Variants in RAB18 observed in about 807,000 individuals in gnomAD.
RAB18 encodes RAB18, member RAS oncogene family, also known as ras-related protein Rab-18.
RAB18 carries 10 observed loss-of-function variants against 28.5 expected under a neutral mutation model. The ratio of observed to expected loss-of-function variants is 0.35; its 90% CI spans 0.22 to 0.60. The LOEUF (loss-of-function observed/expected upper bound fraction) is 0.60. Ranked by LOEUF, RAB18 falls within the 20% of genes least tolerant of loss-of-function variation. The probability of loss-of-function intolerance (pLI) is 0.78; values close to 1 mark genes in which losing one functional copy is unlikely to be tolerated. For missense variants in RAB18, 188 were observed against 244.2 expected (o/e 0.77, Z 1.53); for synonymous variants, 93 against 86.9 (o/e 1.07, Z -0.39).
intron 3 of RAB18, chr10:27,528,298 A>G (rs771978287): frequency 4.0e-6 from 2 of 497,270 alleles, no homozygotes; most frequent in South Asian, 2.9e-5. Context: ...ATAGGCCTAT[A>G]AACATTTTTT....
Position 27,527,498 on chromosome 10 carries a change from T to C in RAB18, c.186+609T>C, listed in dbSNP as rs565783904. 2.0e-5 allele frequency among the ~76,000 whole-genome samples: 3 copies of C among 152,156 alleles called. No homozygotes were observed. The East Asian group carries it at 5.8e-4, about 29-fold the overall frequency. Reference sequence around the variant, plus strand: ...GATGCTTAGTGTCTATGTTTGTCTCTCTCTGTGTCTCCCTTTCATCAGTCT... The same window carrying C: ...GATGCTTAGTGTCTATGTTTGTCTCCCTCTGTGTCTCCCTTTCATCAGTCT... On this transcript the variant is annotated intron_variant, in intron 3 of 6. Transcript: ENST00000356940.
In RAB18 at chr10:27,541,862, G is replaced by C. The variant is rs992873501; in HGVS notation, c.*3811G>C. 3 of 453,482 alleles carry C rather than the reference G, an allele frequency of 6.6e-6. No homozygotes were observed. The highest frequency in any genetic ancestry group is 1.3e-5 in the Non-Finnish European group (3 of 226,688). 28.1% of individuals were successfully genotyped at this position (453,482 alleles called of 1,614,324 possible). On this transcript the variant is annotated 3_prime_UTR_variant, in exon 7 of 7. Transcript: ENST00000356940. ...CACCCCTGCAAACAATTGGCATGTG[G>C]TTTGGGTGGCATTGTCACACCCTCG...
Position 27,540,851 on chromosome 10 carries a change from G to C in RAB18, c.*2800G>C. 1 of 454,066 alleles carries C rather than the reference G, an allele frequency of 2.2e-6. No individual in the cohort carries two copies. The highest frequency in any genetic ancestry group is 6.9e-5 in the East Asian group (1 of 14,392). 28.1% of individuals were successfully genotyped at this position (454,066 alleles called of 1,614,324 possible). A position where few individuals can be genotyped will look rare whatever the true frequency, so the allele number is the denominator to read the frequency against. On this transcript the variant is annotated 3_prime_UTR_variant, in exon 7 of 7. Coordinates refer to ENST00000356940, the MANE Select transcript of RAB18 (RefSeq NM_021252.5). Reference sequence around the variant, plus strand: ...GATTTTGATTCATCGTAGCTTGCATGGTCAAGAGACATGATTCTCTACTAA... The same window carrying C: ...GATTTTGATTCATCGTAGCTTGCATCGTCAAGAGACATGATTCTCTACTAA...
chr10:27,504,494 C>T (rs2138955330), intron 1 of RAB18, 57 bp downstream of exon 1: 2 of 1,525,930 alleles, frequency 1.3e-6, no homozygotes, highest in East Asian at 2.4e-5. Flanking sequence ...GCCCCGGTGG[C>T]TGCTGTCTCC....
rs1564839582 is a variant in RAB18, at chr10:27,538,487, A to G, written c.*436A>G. On this transcript the variant is annotated 3_prime_UTR_variant, in exon 7 of 7. Coordinates refer to ENST00000356940, the MANE Select transcript of RAB18 (RefSeq NM_021252.5). ...CATCAAACGTGGCAAATTTTCTTTC[A>G]GGAATAATAAAGAGCATGATTCCAC... The G allele has an allele frequency of 2.2e-6, 1 of 454,638 alleles. No individual in the cohort carries two copies. The highest frequency in any genetic ancestry group is 2.3e-5 in the Admixed American group (1 of 42,558). 28.2% of individuals were successfully genotyped at this position (454,638 alleles called of 1,614,324 possible).
intron 2 of RAB18, among the ~76,000 whole-genome samples, chr10:27,524,075 G>A (rs919001612): frequency 2.6e-5 from 4 of 151,204 alleles, no homozygotes; most frequent in East Asian, 2.0e-4. Flanking sequence ...GCAAGACTCC[G>A]TCTCAAAAAA....
rs1309138500 is a variant in RAB18 at position 27,541,717 on chromosome 10, T to C, written c.*3666T>C. 2.2e-6 allele frequency: 1 copy of C among 452,564 alleles called. No individual in the cohort carries two copies. The highest frequency in any genetic ancestry group is 1.6e-5 in the South Asian group (1 of 64,140). The allele number at this position is 452,564 out of a possible 1,614,324, so 28.0% of individuals were successfully genotyped here. ...TGTGTTTCTTTGATTACTAGTGAGCTTGAGTACTTTTAATATTTTATTGGA... is the reference window on the plus strand; with the variant it reads ...TGTGTTTCTTTGATTACTAGTGAGCCTGAGTACTTTTAATATTTTATTGGA... On this transcript the variant is annotated 3_prime_UTR_variant, in exon 7 of 7. Coordinates refer to ENST00000356940, the MANE Select transcript of RAB18 (RefSeq NM_021252.5).
rs12242389 is a variant in RAB18 at position 27,532,431 on chromosome 10, G to A, written c.187-76G>A. The A allele has an allele frequency of 1.5e-3, 1,705 of 1,109,506 alleles. 6 individuals are homozygous for A. The African/African-American group carries it at 0.021, about 13-fold the overall frequency. The allele number at this position is 1,109,506 out of a possible 1,614,324, so 68.7% of individuals were successfully genotyped here. ...AATACTATTTTTAGTAATGCTGTTT[G>A]ACTTTCTACTCTTAAACTAGTATAT... is the stretch of plus-strand genomic sequence containing the variant. On this transcript the variant is annotated intron_variant, in intron 3 of 6. Transcript: ENST00000356940.
chr10:27,504,633 C>G (rs1426231333), intron 1 of RAB18, 196 bp downstream of exon 1: 1 of 762,746 alleles, frequency 1.3e-6, no homozygotes, highest in Non-Finnish European at 2.4e-6. Flanking sequence ...CTGCCTGGTT[C>G]CCGGCCTTTG....
intron 2 of RAB18, among the ~76,000 whole-genome samples, chr10:27,525,116 A>G (rs959153881): frequency 6.6e-6 from 1 of 152,342 alleles, no homozygotes; most frequent in Admixed American, 6.5e-5. Flanking sequence ...GAACCAGGAA[A>G]TAATAATAGA....
At chr10:27,522,272 T>C (rs1446997839) in intron 2 of RAB18, among the ~76,000 whole-genome samples, 1 of 152,220 alleles carries the variant, frequency 6.6e-6, no homozygotes, top group Non-Finnish European at 1.5e-5. Context: ...ATAATTGTTG[T>C]ATCTTCTTGA....
rs932494282 is a variant in RAB18, at chr10:27,504,308, T to G, written c.-62T>G. ...GGCGCGCATGCGCAGCAGCTCACTC[T>G]GCTGAAGGGCTGAGAGGCGCACCCG... On this transcript the variant is annotated 5_prime_UTR_variant, in exon 1 of 7. Coordinates refer to ENST00000356940, the MANE Select transcript of RAB18 (RefSeq NM_021252.5). The G allele has an allele frequency of 6.6e-7, 1 of 1,510,648 alleles. No homozygotes were observed. Among genetic ancestry groups the G allele is most frequent in the East Asian group, 2.4e-5 (1 of 41,384 alleles). 93.6% of individuals were successfully genotyped at this position (1,510,648 alleles called of 1,614,324 possible).
chr10:27,505,791 C>T (rs1837814606), intron 1 of RAB18, among the ~76,000 whole-genome samples: 2 of 152,134 alleles, frequency 1.3e-5, no homozygotes, highest in African/African-American at 2.4e-5. Context: ...ATCTTTTGAC[C>T]TCGTGACCCG....
chr10:27,512,717 C>G (rs1834347882), intron 2 of RAB18, among the ~76,000 whole-genome samples: 1 of 152,068 alleles, frequency 6.6e-6, no homozygotes, highest in Non-Finnish European at 1.5e-5. Context: ...GCAGTAGCAA[C>G]TGGCAGGAAA....
intron 2 of RAB18, among the ~76,000 whole-genome samples, chr10:27,520,808 T>C (rs950940545): frequency 1.5e-4 from 22 of 143,522 alleles, no homozygotes; most frequent in Middle Eastern, 3.7e-3. Flanking sequence ...TCCCAGCTAC[T>C]AGGGAGGCTG....
intron 2 of RAB18, among the ~76,000 whole-genome samples, chr10:27,519,599 A>G (rs1376751852): frequency 6.6e-6 from 1 of 152,156 alleles, no homozygotes; most frequent in African/African-American, 2.4e-5. Flanking sequence ...CGGAATACCC[A>G]GGGCTAAATT....
At chr10:27,517,771 A>G (rs1423547241) in intron 2 of RAB18, among the ~76,000 whole-genome samples, 2 of 152,190 alleles carry the variant, frequency 1.3e-5, no homozygotes, top group Admixed American at 6.5e-5. Flanking sequence ...TTATGGTCAT[A>G]TAATTGCCAC....
Position 27,538,842 on chromosome 10 carries a change from C to CA in RAB18, c.*792dup. On this transcript the variant is annotated 3_prime_UTR_variant, in exon 7 of 7. Transcript: ENST00000356940. ...AGTGTGTTTATTGTAACTCCTCATA[C>CA]ACTTTTAAAACCAACATCTTTTTTC... 1 of 454,002 alleles carries CA rather than the reference C, an allele frequency of 2.2e-6. No individual in the cohort carries two copies. The allele number at this position is 454,002 out of a possible 1,614,324, so 28.1% of individuals were successfully genotyped here. A position where few individuals can be genotyped will look rare whatever the true frequency, so the allele number is the denominator to read the frequency against.
rs1158839017 is a variant in RAB18, at chr10:27,541,514, G to A, written c.*3463G>A. On this transcript the variant is annotated 3_prime_UTR_variant, in exon 7 of 7. Transcript: ENST00000356940. ...ATAAAGTTTGCTTAAGTGCCCCTTA[G>A]TTAAAGCTGTTCAATGAATGTAAGC... The A allele has an allele frequency of 6.6e-6, 3 of 453,798 alleles. No homozygotes were observed. The highest frequency in any genetic ancestry group is 1.3e-5 in the Non-Finnish European group (3 of 226,750). 28.1% of individuals were successfully genotyped at this position (453,798 alleles called of 1,614,324 possible).
Sources: gnomAD v4.1 joint callset for allele counts (sites outside exome capture counted in the v4.1 genomes callset) on GRCh38, gnomAD v4.1.1 for gene constraint, MANE v1.5 for transcripts, NCBI Gene and HGNC (gene_info 2026-07-23, HGNC 2026-07-21) for gene names.